The following ARK2N variants were observed in gnomAD, a reference collection of about 807,000 sequenced individuals.
The protein encoded by ARK2N is arkadia (RNF111) N-terminal like PKA signaling regulator 2N.
chr18:46,192,823 G>A, the ARK2N span, among the ~76,000 whole-genome samples: 1 of 148,944 alleles, frequency 6.7e-6, no homozygotes. Context: ...TCCCACCTTG[G>A]CCTCCCAAAG....
At chr18:46,266,669 A>G in the ARK2N span, 4 of 152,634 alleles carry the variant, frequency 2.6e-5, no homozygotes, top group African/African-American at 7.2e-5. Flanking sequence ...ATGGCTAGGA[A>G]CCAATGCACT....
chr18:46,257,470 G>C, the ARK2N span, among the ~76,000 whole-genome samples: 1 of 152,014 alleles, frequency 6.6e-6, no homozygotes, highest in African/African-American at 2.4e-5. Context: ...ATGGTTGAAC[G>C]CATATTTTAT....
At chr18:46,175,124 C>T in the ARK2N span, among the ~76,000 whole-genome samples, 1 of 148,598 alleles carries the variant, frequency 6.7e-6, no homozygotes, top group Non-Finnish European at 1.5e-5. Context: ...CCCCCCGCCC[C>T]GACCCCCGTC....
At chr18:46,175,113 C>G in the ARK2N span, among the ~76,000 whole-genome samples, 2 of 135,576 alleles carry the variant, frequency 1.5e-5, no homozygotes, top group East Asian at 4.3e-4. Context: ...AAATTGTCCA[C>G]CCCCCCGCCC....
At chr18:46,173,850 G>A in the ARK2N span, 1 of 152,294 alleles carries the variant, frequency 6.6e-6, no homozygotes, top group Non-Finnish European at 1.5e-5. Context: ...AGGAGGGAGC[G>A]CGGGAAAGAA....
the ARK2N span, among the ~76,000 whole-genome samples, chr18:46,238,127 A>G: frequency 6.6e-6 from 1 of 152,138 alleles, no homozygotes; most frequent in Non-Finnish European, 1.5e-5. Context: ...TTGCATGATT[A>G]TACATGTAGG....
the ARK2N span, among the ~76,000 whole-genome samples, chr18:46,225,420 AAAT>A: frequency 1.3e-5 from 2 of 152,260 alleles, no homozygotes; most frequent in African/African-American, 4.8e-5. Flanking sequence ...ATTGTGTAAG[AAAT>A]AATATGCTTT....
the ARK2N span, among the ~76,000 whole-genome samples, chr18:46,210,935 G>A: frequency 6.6e-6 from 1 of 150,948 alleles, no homozygotes. Context: ...AAGAACTCAC[G>A]TTGGTGGATG....
the ARK2N span, among the ~76,000 whole-genome samples, chr18:46,224,249 T>A: frequency 6.6e-6 from 1 of 152,160 alleles, no homozygotes; most frequent in Non-Finnish European, 1.5e-5. Context: ...ATCCCAAACT[T>A]AACTACATTT....
the ARK2N span, among the ~76,000 whole-genome samples, chr18:46,226,364 A>G: frequency 1.3e-5 from 2 of 152,326 alleles, no homozygotes; most frequent in East Asian, 3.9e-4. Flanking sequence ...GCCCAAGGCA[A>G]TAATCTGGTA....
the ARK2N span, among the ~76,000 whole-genome samples, chr18:46,243,420 C>T: frequency 6.6e-6 from 1 of 152,162 alleles, no homozygotes; most frequent in African/African-American, 2.4e-5. Context: ...AGCAGCATCT[C>T]AACCCAGGTC....
At chr18:46,177,236 G>A in the ARK2N span, among the ~76,000 whole-genome samples, 4 of 152,018 alleles carry the variant, frequency 2.6e-5, no homozygotes, top group African/African-American at 9.7e-5. Context: ...CTATATAGAA[G>A]GGGGATAGAA....
At chr18:46,179,882 C>T in the ARK2N span, among the ~76,000 whole-genome samples, 1 of 152,164 alleles carries the variant, frequency 6.6e-6, no homozygotes, top group Non-Finnish European at 1.5e-5. Context: ...GCCTTGGCCT[C>T]CCAAAGTGCT....
At chr18:46,193,086 A>G in the ARK2N span, among the ~76,000 whole-genome samples, 1 of 151,708 alleles carries the variant, frequency 6.6e-6, no homozygotes, top group Non-Finnish European at 1.5e-5. Context: ...GAATTGCTTG[A>G]ACCTGGGCAG....
At chr18:46,218,256 C>G in the ARK2N span, 1 of 152,114 alleles carries the variant, frequency 6.6e-6, no homozygotes, top group Non-Finnish European at 1.5e-5. Flanking sequence ...GTATCTTGAC[C>G]ACTGCTTAAA....
the ARK2N span, among the ~76,000 whole-genome samples, chr18:46,225,094 G>A: frequency 6.6e-6 from 1 of 152,224 alleles, no homozygotes; most frequent in Admixed American, 6.5e-5. Flanking sequence ...CGTGTGGATG[G>A]AAAAGGTAAC....
the ARK2N span, among the ~76,000 whole-genome samples, chr18:46,239,292 A>G: frequency 3.3e-5 from 5 of 152,334 alleles, no homozygotes; most frequent in Non-Finnish European, 4.4e-5. Context: ...AAAATCACCC[A>G]TAAGATTGCA....
At chr18:46,193,601 T>TC in the ARK2N span, among the ~76,000 whole-genome samples, 1 of 140,980 alleles carries the variant, frequency 7.1e-6, no homozygotes, top group Non-Finnish European at 1.5e-5. Flanking sequence ...GTTTTTTTTT[T>TC]TTTTTTTTTT....
the ARK2N span, among the ~76,000 whole-genome samples, chr18:46,208,563 A>T: frequency 7.1e-6 from 1 of 139,914 alleles, no homozygotes; most frequent in Non-Finnish European, 1.5e-5. Context: ...TCTGCCTCCC[A>T]GGTTCAAGCA....
Sources: allele counts gnomAD v4.1 joint callset (sites outside exome capture counted in the v4.1 genomes callset), GRCh38; gene constraint gnomAD v4.1.1; transcripts MANE v1.5; gene names NCBI Gene and HGNC (gene_info 2026-07-23, HGNC 2026-07-21).